The following DDAH1 variants were observed in gnomAD, a reference collection of about 807,000 sequenced individuals.
The protein encoded by DDAH1 is dimethylarginine dimethylaminohydrolase 1, also known as N(G),N(G)-dimethylarginine dimethylaminohydrolase 1.
Under a neutral mutation model 28.8 loss-of-function variants are expected in DDAH1, and 19 were observed. The ratio of observed to expected loss-of-function variants is 0.66; its 90% CI spans 0.46 to 0.97. DDAH1 has a LOEUF of 0.97. Among genes scored for constraint, DDAH1 ranks in the 50% least tolerant of loss-of-function variants. The probability of loss-of-function intolerance (pLI) is 0.00; values close to 1 mark genes in which losing one functional copy is unlikely to be tolerated. For missense variants in DDAH1, 326 were observed against 375.9 expected (o/e 0.87, Z 1.10); for synonymous variants, 153 against 154.4 (o/e 0.99, Z 0.07).
chr1:85,476,469 T>C (rs1360096141), intron 2 of DDAH1, among the ~76,000 whole-genome samples: 1 of 152,142 alleles, frequency 6.6e-6, no homozygotes, highest in Non-Finnish European at 1.5e-5. Context: ...AGTGCCTCAG[T>C]GTTGTTCAGC....
intron 4 of DDAH1, among the ~76,000 whole-genome samples, chr1:85,347,104 A>G (rs1205565737): frequency 1.3e-5 from 2 of 152,156 alleles, no homozygotes; most frequent in African/African-American, 4.8e-5. Context: ...ATCATTAAAA[A>G]GTCAGGAAAC....
chr1:85,558,796 A>T (rs1468628993), intron 1 of DDAH1, among the ~76,000 whole-genome samples: 1 of 152,142 alleles, frequency 6.6e-6, no homozygotes, highest in African/African-American at 2.4e-5. Flanking sequence ...CAAAGAATAC[A>T]TATTATCTTT....
chr1:85,514,945 G>C (rs519685), intron 1 of DDAH1, among the ~76,000 whole-genome samples: 1 of 151,350 alleles, frequency 6.6e-6, no homozygotes, highest in Non-Finnish European at 1.5e-5. Flanking sequence ...ACCAAGATCT[G>C]GGTTCTAGGT....
rs1654942799 is a variant in DDAH1, at chr1:85,457,539, T to C, written c.303+7204A>G. 2.0e-5 allele frequency among the ~76,000 whole-genome samples: 3 copies of C among 152,304 alleles called. No homozygotes were observed. In the South Asian group the frequency reaches 6.2e-4, roughly 32 times the overall value. On this transcript the variant is annotated intron_variant, in intron 1 of 5. Coordinates refer to ENST00000284031, the MANE Select transcript of DDAH1 (RefSeq NM_012137.4). ...CATTCAGCCTGGACATAATAGACAG[T>C]TATTGAATGTACTAACAGATATGAG...
chr1:85,394,602 A>G (rs1336639236), intron 1 of DDAH1, among the ~76,000 whole-genome samples: 3 of 152,176 alleles, frequency 2.0e-5, no homozygotes, highest in African/African-American at 7.2e-5. Context: ...AAATAACCTC[A>G]TATTTAACTT....
intron 1 of DDAH1, chr1:85,399,749 C>T (rs2100573000): frequency 6.6e-6 from 1 of 152,230 alleles, no homozygotes; most frequent in South Asian, 2.1e-4. Context: ...TGATGCTAAC[C>T]AATCTTTCTA....
At chr1:85,360,912 C>T (rs905174635) in intron 1 of DDAH1, among the ~76,000 whole-genome samples, 3 of 152,170 alleles carry the variant, frequency 2.0e-5, no homozygotes, top group African/African-American at 7.2e-5. Flanking sequence ...AGGGGCAGTA[C>T]TTAAAAAAAT....
chr1:85,322,312 T>C (rs1037190970), intron 5 of DDAH1, among the ~76,000 whole-genome samples: 2 of 152,218 alleles, frequency 1.3e-5, no homozygotes, highest in African/African-American at 4.8e-5. Context: ...AGATATAACT[T>C]AAGTATTTCA....
At chr1:85,431,485 A>G (rs17127399) in intron 1 of DDAH1, among the ~76,000 whole-genome samples, 7,008 of 147,420 alleles carry the variant, frequency 0.048, 267 homozygotes, top group South Asian at 0.19. Context: ...CTGTTCCTTA[A>G]GCTAGAATCC....
intron 1 of DDAH1, among the ~76,000 whole-genome samples, chr1:85,569,304 A>G (rs1441199005): frequency 1.3e-5 from 2 of 152,158 alleles, no homozygotes; most frequent in Non-Finnish European, 2.9e-5. Context: ...TTCTTTTCCC[A>G]TGATGTTCTG....
At chr1:85,336,077 T>TC (rs1422714384) in intron 4 of DDAH1, among the ~76,000 whole-genome samples, 1 of 152,158 alleles carries the variant, frequency 6.6e-6, no homozygotes, top group Non-Finnish European at 1.5e-5. Flanking sequence ...GCTAGGGACT[T>TC]CAACACTCCA....
intron 1 of DDAH1, among the ~76,000 whole-genome samples, chr1:85,419,240 A>C (rs1229380131): frequency 6.6e-6 from 1 of 152,068 alleles, no homozygotes; most frequent in African/African-American, 2.4e-5. Context: ...AGTAGCAATA[A>C]GAAAGTTTGG....
At chr1:85,448,237 A>G in intron 1 of DDAH1, 1 of 160,582 alleles carries the variant, frequency 6.2e-6, no homozygotes, top group Non-Finnish European at 1.3e-5. Context: ...AAGCCGAAAG[A>G]TCGGACACCC....
chr1:85,429,795 C>T (rs1653582651), intron 1 of DDAH1, among the ~76,000 whole-genome samples: 1 of 152,176 alleles, frequency 6.6e-6, no homozygotes, highest in Non-Finnish European at 1.5e-5. Context: ...GTGTTGGTCA[C>T]ATAAATGTCT....
chr1:85,515,412 G>A (rs1335097617), intron 1 of DDAH1, among the ~76,000 whole-genome samples: 1 of 138,794 alleles, frequency 7.2e-6, no homozygotes, highest in African/African-American at 2.7e-5. Flanking sequence ...AAGGTAAGGA[G>A]TAAGAAAAAG....
At chr1:85,566,045 C>T (rs1282472918) in intron 1 of DDAH1, among the ~76,000 whole-genome samples, 1 of 149,856 alleles carries the variant, frequency 6.7e-6, no homozygotes, top group Non-Finnish European at 1.5e-5. Context: ...CACACCATTG[C>T]ACTCCAGCCT....
chr1:85,503,938 TCAGA>T (rs1229470517), intron 1 of DDAH1, among the ~76,000 whole-genome samples: 1 of 152,096 alleles, frequency 6.6e-6, no homozygotes, highest in East Asian at 1.9e-4. Context: ...GGGGATGCGG[TCAGA>T]CAGACAGACT....
chr1:85,483,371 C>T (rs1212351094), intron 2 of DDAH1, among the ~76,000 whole-genome samples: 1 of 152,136 alleles, frequency 6.6e-6, no homozygotes, highest in African/African-American at 2.4e-5. Flanking sequence ...CTACCCTAAA[C>T]TTCTGCCCTC....
chr1:85,346,744 A>G (rs1391578218), intron 4 of DDAH1, among the ~76,000 whole-genome samples: 1 of 145,688 alleles, frequency 6.9e-6, no homozygotes, highest in Non-Finnish European at 1.5e-5. Flanking sequence ...TATGTTAGTT[A>G]GCAATTAATA....
Sources: allele counts gnomAD v4.1 joint callset (sites outside exome capture counted in the v4.1 genomes callset), GRCh38; gene constraint gnomAD v4.1.1; transcripts MANE v1.5; gene names NCBI Gene and HGNC (gene_info 2026-07-23, HGNC 2026-07-21).